ADK: variants seen among roughly 807,000 people sequenced by gnomAD.
ADK encodes N6,N6-dimethyladenosine kinase.
In ADK, 24 loss-of-function variants were observed where a neutral mutation model predicts 44.7. The observed-to-expected ratio is 0.54, with a 90% CI of 0.39 to 0.76. The LOEUF (loss-of-function observed/expected upper bound fraction) is 0.76. Among genes scored for constraint, ADK ranks in the 30% least tolerant of loss-of-function variants. The probability of loss-of-function intolerance (pLI) is 0.00; values close to 1 mark genes in which losing one functional copy is unlikely to be tolerated. For missense variants in ADK, 321 were observed against 425.1 expected, an observed-to-expected ratio of 0.76 and a Z score of 2.15; for synonymous variants, 128 against 142.6, an observed-to-expected ratio of 0.90 and a Z score of 0.73.
At chr10:74,226,731 C>T (rs1308303659) in intron 3 of ADK, among the ~76,000 whole-genome samples, 2 of 151,878 alleles carry the variant, frequency 1.3e-5, no homozygotes, top group South Asian at 4.1e-4. Context: ...CTGTCACTCC[C>T]TGTGTTTTTG....
At chr10:74,384,647 G>A (rs546265375) in intron 4 of ADK, among the ~76,000 whole-genome samples, 2 of 152,126 alleles carry the variant, frequency 1.3e-5, no homozygotes, top group South Asian at 4.2e-4. Flanking sequence ...CTCCAGCCTG[G>A]GTGACAGAGC....
chr10:74,220,239 T>C (rs11492360), intron 2 of ADK, among the ~76,000 whole-genome samples: 111,515 of 151,488 alleles, frequency 0.74, 41,758 homozygotes, highest in Middle Eastern at 0.85. Flanking sequence ...ATACTACAAA[T>C]ACCTCTACGC....
At chr10:74,388,245 G>T (rs1435728150) in intron 4 of ADK, among the ~76,000 whole-genome samples, 1 of 152,158 alleles carries the variant, frequency 6.6e-6, no homozygotes, top group African/African-American at 2.4e-5. Flanking sequence ...ATCCTTAAAA[G>T]ATCATAGGTT....
chr10:74,541,003 TTTTTA>T (rs1399532110), intron 7 of ADK, among the ~76,000 whole-genome samples: 1 of 152,058 alleles, frequency 6.6e-6, no homozygotes, highest in African/African-American at 2.4e-5. Context: ...TCAACATTAA[TTTTTA>T]TTTTATTATT....
At chr10:74,240,095 A>G (rs937525949) in intron 3 of ADK, among the ~76,000 whole-genome samples, 2 of 151,784 alleles carry the variant, frequency 1.3e-5, no homozygotes, top group South Asian at 2.1e-4. Context: ...GCTCACTGCA[A>G]CCTCTACCTC....
At chr10:74,669,476 CAAGT>C (rs1287553670) in intron 9 of ADK, among the ~76,000 whole-genome samples, 1 of 152,206 alleles carries the variant, frequency 6.6e-6, no homozygotes, top group Non-Finnish European at 1.5e-5. Flanking sequence ...GTAGTCAAAA[CAAGT>C]AAGCCCTGGT....
chr10:74,614,151 T>A (rs562329995), intron 9 of ADK, among the ~76,000 whole-genome samples: 4 of 152,236 alleles, frequency 2.6e-5, no homozygotes, highest in African/African-American at 9.6e-5. Context: ...GTAGTATCTT[T>A]GGGATGTGGT....
intron 6 of ADK, among the ~76,000 whole-genome samples, chr10:74,462,279 G>T (rs1846197232): frequency 2.0e-5 from 3 of 151,978 alleles, no homozygotes; most frequent in Admixed American, 2.0e-4. Flanking sequence ...GAAAAATTTA[G>T]AAAAATTAGA....
At chr10:74,220,111 A>C (rs1001846828) in intron 2 of ADK, among the ~76,000 whole-genome samples, 1 of 152,184 alleles carries the variant, frequency 6.6e-6, no homozygotes, top group South Asian at 2.1e-4. Context: ...AACAAAATTG[A>C]TAGACCACTA....
chr10:74,243,732 GCACACT>G (rs1294562538), intron 3 of ADK, among the ~76,000 whole-genome samples: 1 of 152,122 alleles, frequency 6.6e-6, no homozygotes, highest in Non-Finnish European at 1.5e-5. Context: ...GCATGGTGGT[GCACACT>G]TGTGGTCCCA....
chr10:74,292,286 T>A (rs1376557236), intron 3 of ADK, among the ~76,000 whole-genome samples: 1 of 152,176 alleles, frequency 6.6e-6, no homozygotes, highest in Non-Finnish European at 1.5e-5. Flanking sequence ...CCATTTTGTT[T>A]TTCCCTGCAT....
chr10:74,343,514 G>A (rs1841656289), intron 4 of ADK, among the ~76,000 whole-genome samples: 1 of 152,176 alleles, frequency 6.6e-6, no homozygotes, highest in Non-Finnish European at 1.5e-5. Context: ...CTTAAGGGTG[G>A]CAGAGGTGGA....
intron 1 of ADK, among the ~76,000 whole-genome samples, chr10:74,166,580 A>G (rs1387452525): frequency 1.3e-5 from 2 of 151,720 alleles, no homozygotes; most frequent in Admixed American, 1.3e-4. Context: ...TTGGCTACTC[A>G]GGAGGCTGAG....
intron 9 of ADK, among the ~76,000 whole-genome samples, chr10:74,633,062 A>G (rs1324723981): frequency 6.6e-6 from 1 of 152,180 alleles, no homozygotes; most frequent in Admixed American, 6.5e-5. Flanking sequence ...TTGATTTAGT[A>G]TTTTAATTTT....
intron 4 of ADK, among the ~76,000 whole-genome samples, chr10:74,338,377 A>T (rs557276867): frequency 3.7e-4 from 56 of 152,344 alleles, no homozygotes; most frequent in Non-Finnish European, 6.2e-4. Context: ...AAAATTAAAG[A>T]TAAATATTCC....
chr10:74,618,530 C>A (rs1852861417), intron 9 of ADK, among the ~76,000 whole-genome samples: 1 of 152,060 alleles, frequency 6.6e-6, no homozygotes, highest in South Asian at 2.1e-4. Flanking sequence ...TTCAAGTGAT[C>A]CGCCCGCCTC....
intron 6 of ADK, among the ~76,000 whole-genome samples, chr10:74,497,891 T>C (rs1279579161): frequency 6.6e-6 from 1 of 151,846 alleles, no homozygotes; most frequent in Non-Finnish European, 1.5e-5. Flanking sequence ...CTTTTCTTTT[T>C]TTTTTTTCTT....
chr10:74,587,376 C>A (rs770942400), intron 7 of ADK, among the ~76,000 whole-genome samples: 2 of 152,180 alleles, frequency 1.3e-5, no homozygotes, highest in Non-Finnish European at 2.9e-5. Flanking sequence ...TTATGTTTCT[C>A]TAGTAAATAG....
intron 7 of ADK, among the ~76,000 whole-genome samples, chr10:74,583,943 C>T (rs1851450334): frequency 2.0e-5 from 3 of 152,214 alleles, no homozygotes; most frequent in African/African-American, 7.2e-5. Context: ...TCATGCACCA[C>T]TCCATAGTCC....
Sources: allele counts gnomAD v4.1 joint callset (sites outside exome capture counted in the v4.1 genomes callset), GRCh38; gene constraint gnomAD v4.1.1; transcripts MANE v1.5; gene names NCBI Gene and HGNC (gene_info 2026-07-23, HGNC 2026-07-21).